ZNF519: variants seen among roughly 807,000 people sequenced by gnomAD.
The protein encoded by ZNF519 is zinc finger protein 519, also known as similar to Zinc finger protein 85 (Zinc finger protein HPF4) (HTF1).
A neutral mutation model predicts 7.4 loss-of-function variants in ZNF519; 7 were observed. The ratio of observed to expected loss-of-function variants is 0.94; its 90% CI spans 0.54 to 1.77. The LOEUF (loss-of-function observed/expected upper bound fraction) is 1.77, where lower values mean the gene tolerates loss of function less well. ZNF519 is among the 40% of genes most tolerant of loss of function. The pLI, the probability that ZNF519 is intolerant of heterozygous loss-of-function variation, is 0.00. For synonymous variants in ZNF519, 179 were observed against 203.3 expected, an observed-to-expected ratio of 0.88 and a Z score of 1.02; for missense variants, 586 against 623.1, an observed-to-expected ratio of 0.94 and a Z score of 0.63.
chr18:14,078,249 T>G (rs1340518551), exon 4 of ZNF519: 1 of 152,232 alleles, frequency 6.6e-6, no homozygotes, highest in African/African-American at 2.4e-5. Context: ...GGTACTGGTC[T>G]GCAGCCTGGG....
Position 14,089,597 on chromosome 18 carries a change from T to C in ZNF519, c.131-4521A>G, listed in dbSNP as rs527947951. On this transcript the variant is annotated intron_variant and NMD_transcript_variant, in intron 2 of 4. Coordinates refer to the ZNF519 transcript ENST00000587419. ...CAGAAATCAAAACAGGGGCTGCATA[T>C]GGTGGGGTGAGTGGATATTGGTTAA... Among the ~76,000 whole-genome samples, 7 of 152,184 alleles carry C rather than the reference T, an allele frequency of 4.6e-5. No individual in the cohort carries two copies. The East Asian group carries it at 1.2e-3, about 25-fold the overall frequency.
intron 2 of ZNF519, among the ~76,000 whole-genome samples, chr18:14,114,408 T>C (rs1023609432): frequency 9.2e-5 from 14 of 152,230 alleles, no homozygotes; most frequent in African/African-American, 3.4e-4. Context: ...TTCCTCAATA[T>C]ATATTCTTGA....
chr18:14,090,297 A>G (rs184808082), intron 2 of ZNF519: 1 of 152,330 alleles, frequency 6.6e-6, no homozygotes, highest in East Asian at 1.9e-4. Context: ...ATGCCAGGCT[A>G]GAGAGTGTTT....
At chr18:14,121,790 T>C (rs2034871815) in intron 2 of ZNF519, 1 of 152,152 alleles carries the variant, frequency 6.6e-6, no homozygotes, top group Non-Finnish European at 1.5e-5. Context: ...TATATCTCAA[T>C]GACACAGTCC....
chr18:14,116,264 A>G (rs186479901), intron 2 of ZNF519, among the ~76,000 whole-genome samples: 1 of 152,334 alleles, frequency 6.6e-6, no homozygotes, highest in Non-Finnish European at 1.5e-5. Context: ...ATTCAAATTC[A>G]ATGTAGTCTC....
chr18:14,128,574 C>T (rs1000483805), intron 1 of ZNF519, among the ~76,000 whole-genome samples: 3 of 151,974 alleles, frequency 2.0e-5, no homozygotes, highest in African/African-American at 7.3e-5. Flanking sequence ...AGTTAGACAC[C>T]TGCTGAAGGC....
At chr18:14,123,218 T>TAAAAAAA (rs34503801) in intron 2 of ZNF519, 2 of 143,638 alleles carry the variant, frequency 1.4e-5, no homozygotes, top group African/African-American at 2.7e-5. Context: ...CTTGTTTTAT[T>TAAAAAAA]AAAAAAAAAA....
Position 14,106,416 on chromosome 18 carries a change from G to T in ZNF519, c.131-7C>A. ...TTGTAATAAGAATACACAGCTGAAA[G>T]AAGTAAAAATAACTAATTATTCTAC... On this transcript the variant is annotated splice_polypyrimidine_tract_variant and splice_region_variant and intron_variant, in intron 2 of 2. Coordinates refer to ENST00000590202, the MANE Select transcript of ZNF519 (RefSeq NM_145287.4). 1.3e-6 allele frequency: 2 copies of T among 1,555,336 alleles called. No individual in the cohort carries two copies. The highest frequency in any genetic ancestry group is 1.7e-6 in the Non-Finnish European group (2 of 1,155,948).
In ZNF519 at chr18:14,103,015, A is replaced by T. The variant is rs1038441422; in HGVS notation, c.*1902T>A. ...TAAAGAAAAATACGTGAGACATAAA[A>T]ATAGAAAGCAAAATGATGCAAATTC... is the stretch of plus-strand genomic sequence containing the variant. On this transcript the variant is annotated 3_prime_UTR_variant, in exon 3 of 3. Transcript: ENST00000590202. The T allele has an allele frequency of 6.6e-6, 1 of 152,102 alleles. No homozygotes were observed. The highest frequency in any genetic ancestry group is 1.5e-5 in the Non-Finnish European group (1 of 67,998). The allele number at this position is 152,102 out of a possible 1,614,324, so 9.4% of individuals were successfully genotyped here. A position where few individuals can be genotyped will look rare whatever the true frequency, so the allele number is the denominator to read the frequency against.
intron 2 of ZNF519, among the ~76,000 whole-genome samples, chr18:14,108,670 C>T (rs566772130): frequency 2.7e-5 from 4 of 149,356 alleles, no homozygotes; most frequent in African/African-American, 9.8e-5. Context: ...CCTATAAACA[C>T]ATAGATTAAA....
chr18:14,121,100 G>A (rs922697929), intron 2 of ZNF519, among the ~76,000 whole-genome samples: 12 of 152,068 alleles, frequency 7.9e-5, no homozygotes, highest in Non-Finnish European at 1.5e-4. Flanking sequence ...CAAACTGTAT[G>A]TTCTCAATTA....
chr18:14,124,200 C>G, intron 2 of ZNF519, 150 bp downstream of exon 2: 81 of 491,288 alleles, frequency 1.6e-4, no homozygotes, highest in Middle Eastern at 1.1e-3. Flanking sequence ...AAAAGATTTT[C>G]TTTTTTACAC....
At chr18:14,128,241 C>T (rs551679556) in intron 1 of ZNF519, among the ~76,000 whole-genome samples, 57 of 152,070 alleles carry the variant, frequency 3.7e-4, no homozygotes, top group African/African-American at 1.2e-3. Flanking sequence ...TGCAGTGCGC[C>T]GAGATCGCAC....
At chr18:14,127,577 T>A (rs1034646904) in intron 1 of ZNF519, among the ~76,000 whole-genome samples, 2 of 152,170 alleles carry the variant, frequency 1.3e-5, no homozygotes, top group Non-Finnish European at 2.9e-5. Flanking sequence ...TGATGAGTGG[T>A]GGCCCATGTG....
intron 2 of ZNF519, among the ~76,000 whole-genome samples, chr18:14,113,526 A>C (rs574642546): frequency 7.0e-4 from 106 of 152,172 alleles, no homozygotes; most frequent in Non-Finnish European, 1.1e-3. Flanking sequence ...ATAGGTGTGC[A>C]TCCTTCACTT....
intron 2 of ZNF519, among the ~76,000 whole-genome samples, chr18:14,088,264 A>AGTAAAGAATTAGAAAAACTCGGAGTAGCT: frequency 6.6e-6 from 1 of 152,336 alleles, no homozygotes; most frequent in Non-Finnish European, 1.5e-5. Context: ...CTTGTTCCAA[A>AGTAAAGAATTAGAAAAACTCGGAGTAGCT]GTAAAGAATT....
At chr18:14,108,688 A>T (rs1047090849) in intron 2 of ZNF519, among the ~76,000 whole-genome samples, 12 of 152,342 alleles carry the variant, frequency 7.9e-5, no homozygotes, top group East Asian at 1.9e-4. Context: ...AAAAAGATTT[A>T]AAAAATTCCA....
At chr18:14,093,539 A>T (rs1239119916) in intron 2 of ZNF519, among the ~76,000 whole-genome samples, 3 of 152,186 alleles carry the variant, frequency 2.0e-5, no homozygotes, top group Non-Finnish European at 4.4e-5. Context: ...ACATATTCTT[A>T]ATGGCTACTA....
At chr18:14,121,054 C>T (rs2046267587) in intron 2 of ZNF519, among the ~76,000 whole-genome samples, 1 of 151,868 alleles carries the variant, frequency 6.6e-6, no homozygotes. Context: ...ACCTGGAGGA[C>T]ATTATGCTAA....
Sources: allele counts gnomAD v4.1 joint callset (sites outside exome capture counted in the v4.1 genomes callset), GRCh38; gene constraint gnomAD v4.1.1; transcripts MANE v1.5; gene names NCBI Gene and HGNC (gene_info 2026-07-23, HGNC 2026-07-21).